BMP6: variants seen among roughly 807,000 people sequenced by gnomAD.
The protein encoded by BMP6 is VG-1-R.
In BMP6, 17 loss-of-function variants were observed where a neutral mutation model predicts 54.1. The observed-to-expected ratio is 0.31, with a 90% CI of 0.22 to 0.47. The LOEUF (loss-of-function observed/expected upper bound fraction) is 0.47. BMP6 is among the 20% of genes least tolerant of loss of function. BMP6 has a pLI of 1.00. For synonymous variants in BMP6, 328 were observed against 291.2 expected, an observed-to-expected ratio of 1.13 and a Z score of -1.28; for missense variants, 720 against 690.4, an observed-to-expected ratio of 1.04 and a Z score of -0.48.
intron 1 of BMP6, among the ~76,000 whole-genome samples, chr6:7,785,603 A>T (rs1758009089): frequency 1.3e-5 from 2 of 152,214 alleles, no homozygotes; most frequent in South Asian, 4.1e-4. Context: ...GTCGTGCAAC[A>T]TGTTGATTTT....
At chr6:7,797,971 C>T (rs1010835764) in intron 1 of BMP6, among the ~76,000 whole-genome samples, 20 of 152,300 alleles carry the variant, frequency 1.3e-4, no homozygotes, top group Non-Finnish European at 8.8e-5. Context: ...GATCAGATGT[C>T]CTTCCCCTAA....
intron 1 of BMP6, among the ~76,000 whole-genome samples, chr6:7,811,380 G>A (rs185381440): frequency 5.2e-4 from 79 of 152,258 alleles, no homozygotes; most frequent in African/African-American, 1.8e-3. Flanking sequence ...TACTTGCTTG[G>A]GGGAGAAAAT....
chr6:7,736,992 G>A (rs184490874), intron 1 of BMP6, among the ~76,000 whole-genome samples: 1 of 152,084 alleles, frequency 6.6e-6, no homozygotes, highest in East Asian at 1.9e-4. Context: ...GTTCAAGACC[G>A]GCCTGGCCAA....
chr6:7,796,515 T>C (rs1257928872), intron 1 of BMP6, among the ~76,000 whole-genome samples: 1 of 152,234 alleles, frequency 6.6e-6, no homozygotes, highest in Non-Finnish European at 1.5e-5. Flanking sequence ...ATTTTAGGCT[T>C]TGTCTTGCTG....
At chr6:7,834,612 G>T (rs367810561) in intron 1 of BMP6, among the ~76,000 whole-genome samples, 1 of 151,692 alleles carries the variant, frequency 6.6e-6, no homozygotes. Context: ...GGGAGGCTGA[G>T]GTAGGATCAC....
At chr6:7,862,244 G>T in intron 3 of BMP6, 57 bp from the exon 4 acceptor site, 1 of 1,567,758 alleles carries the variant, frequency 6.4e-7, no homozygotes, top group Non-Finnish European at 8.8e-7. Flanking sequence ...AACTGTTGTA[G>T]CTACAGGAAC....
chr6:7,838,504 G>A (rs1361597656), intron 1 of BMP6, among the ~76,000 whole-genome samples: 1 of 152,088 alleles, frequency 6.6e-6, no homozygotes, highest in Non-Finnish European at 1.5e-5. Flanking sequence ...TTCTCATTAG[G>A]TCCAATGCTT....
chr6:7,824,204 C>A (rs1363553688), intron 1 of BMP6, among the ~76,000 whole-genome samples: 1 of 152,070 alleles, frequency 6.6e-6, no homozygotes, highest in Non-Finnish European at 1.5e-5. Flanking sequence ...TCAGGGGGAC[C>A]CTGAGCTCAG....
rs904791713 is a variant in BMP6 at position 7,726,291 on chromosome 6, C to T, written c.-665C>T. Among the ~76,000 whole-genome samples the T allele has an allele frequency of 2.0e-5, 3 of 152,190 alleles. No homozygotes were observed. The highest frequency in any genetic ancestry group is 7.2e-5 in the African/African-American group (3 of 41,458). On this transcript the variant is annotated 5_prime_UTR_variant, in exon 1 of 7. Transcript: ENST00000283147. ...TCCTCGCCGCCTCCGCTTGAGGAGG[C>T]GTGCGGCGCGCGGAGATTTTGAGTG...
chr6:7,824,004 G>A (rs1758654423), intron 1 of BMP6, among the ~76,000 whole-genome samples: 2 of 152,164 alleles, frequency 1.3e-5, no homozygotes, highest in African/African-American at 2.4e-5. Flanking sequence ...AGAATAGGCT[G>A]GAGGGGCAAA....
At chr6:7,869,960 A>C (rs971554309) in intron 4 of BMP6, among the ~76,000 whole-genome samples, 4 of 152,250 alleles carry the variant, frequency 2.6e-5, no homozygotes, top group Middle Eastern at 3.4e-3. Context: ...GCCCCCAGGA[A>C]GGGAGCTATG....
At chr6:7,783,829 C>T (rs1403033693) in intron 1 of BMP6, among the ~76,000 whole-genome samples, 1 of 152,200 alleles carries the variant, frequency 6.6e-6, no homozygotes, top group Admixed American at 6.5e-5. Flanking sequence ...GGTCCTTGTC[C>T]TTTATTATTT....
Position 7,726,627 on chromosome 6 carries a change from C to A in BMP6, c.-329C>A, listed in dbSNP as rs1257213635. On this transcript the variant is annotated 5_prime_UTR_variant, in exon 1 of 7. Coordinates refer to ENST00000283147, the MANE Select transcript of BMP6 (RefSeq NM_001718.6). ...GTGACCGCGCCGCGACTCGCAGGAGCCAGGGCGCAGGCTGCAGTGCAGCCC... is the reference window on the plus strand; with the variant it reads ...GTGACCGCGCCGCGACTCGCAGGAGACAGGGCGCAGGCTGCAGTGCAGCCC... Among the ~76,000 whole-genome samples the A allele has an allele frequency of 2.6e-5, 4 of 152,138 alleles. No individual in the cohort carries two copies. Among genetic ancestry groups the A allele is most frequent in the East Asian group, 1.9e-4 (1 of 5,150 alleles).
chr6:7,832,567 A>G (rs550629774), intron 1 of BMP6, among the ~76,000 whole-genome samples: 39 of 152,236 alleles, frequency 2.6e-4, no homozygotes, highest in Admixed American at 1.8e-3. Context: ...GACTAAGACA[A>G]TTACCCATTG....
At chr6:7,796,781 C>T (rs1244858178) in intron 1 of BMP6, among the ~76,000 whole-genome samples, 10 of 152,152 alleles carry the variant, frequency 6.6e-5, no homozygotes, top group Admixed American at 6.5e-4. Context: ...ATTAAAGTGA[C>T]TTTTTTTAAA....
rs764136056 is a variant in BMP6 at position 7,845,191 on chromosome 6, A to C, written c.716A>C (p.Lys239Thr). The C allele has an allele frequency of 1.3e-5, 21 of 1,614,090 alleles. No individual in the cohort carries two copies. Among genetic ancestry groups the C allele is most frequent in the Non-Finnish European group, 1.7e-5 (20 of 1,180,024 alleles). ...CGTCAGCGACACCACAAAGAGTTCA[A>C]GTTCAACTTATCCCAGATTCCTGAG... ...SPRQRHHKEFKFNLSQIPEGE... is the reference protein window; with the variant it reads ...SPRQRHHKEFTFNLSQIPEGE... Residue 239 changes from lysine to threonine, a missense_variant, in exon 2 of 7, where the codon AAG (lysine) becomes ACG (threonine). Around this residue, in one of 3 missense-constraint regions of BMP6, gnomAD observed 650 missense variants for 556.3 expected, o/e 1.17. Coordinates refer to ENST00000283147, the MANE Select transcript of BMP6 (RefSeq NM_001718.6).
intron 1 of BMP6, among the ~76,000 whole-genome samples, chr6:7,795,173 A>C (rs4959459): frequency 1.9e-4 from 29 of 151,960 alleles, no homozygotes; most frequent in African/African-American, 7.0e-4. Context: ...CATAGTCCCC[A>C]TGTCTGTAAC....
At chr6:7,795,919 A>G (rs1758184183) in intron 1 of BMP6, among the ~76,000 whole-genome samples, 1 of 152,144 alleles carries the variant, frequency 6.6e-6, no homozygotes, top group African/African-American at 2.4e-5. Flanking sequence ...GATTTGGGGG[A>G]AAACATGATG....
intron 1 of BMP6, among the ~76,000 whole-genome samples, chr6:7,764,764 C>T (rs951743572): frequency 1.3e-5 from 2 of 152,130 alleles, no homozygotes; most frequent in Admixed American, 6.5e-5. Context: ...TACAGGTATG[C>T]GCCCCCATGT....
Sources: gnomAD v4.1 joint callset for allele counts (sites outside exome capture counted in the v4.1 genomes callset) on GRCh38, gnomAD v4.1.1 for gene constraint, gnomAD v4.1.1 regional missense constraint, MANE v1.5 for transcripts, NCBI Gene and HGNC (gene_info 2026-07-23, HGNC 2026-07-21) for gene names.